The following CD82 variants were observed in gnomAD, a reference collection of about 807,000 sequenced individuals.
CD82 encodes the protein CD82 antigen.
A neutral mutation model predicts 37.4 loss-of-function variants in CD82; 36 were observed. The ratio of observed to expected loss-of-function variants is 0.96; its 90% CI spans 0.74 to 1.27. The LOEUF (loss-of-function observed/expected upper bound fraction) is 1.27, where lower values mean the gene tolerates loss of function less well. Among genes scored for constraint, CD82 ranks in the 50% most tolerant of loss-of-function variants. The probability of loss-of-function intolerance (pLI) is 0.00; values close to 1 mark genes in which losing one functional copy is unlikely to be tolerated. For missense variants in CD82, 340 were observed against 347.0 expected, an observed-to-expected ratio of 0.98 and a Z score of 0.16; for synonymous variants, 158 against 137.4, an observed-to-expected ratio of 1.15 and a Z score of -1.05.
chr11:44,620,322 C>T lies in CD82; in HGVS notation c.*1196C>T, dbSNP rs888094625. ...TGTGTGCACCATTCTGTAAAACACACTCAAGATTCTAAGACTATTAAAGAG... is the reference window on the plus strand; with the variant it reads ...TGTGTGCACCATTCTGTAAAACACATTCAAGATTCTAAGACTATTAAAGAG... On this transcript the variant is annotated 3_prime_UTR_variant, in exon 10 of 10. Transcript: ENST00000227155. The T allele has an allele frequency of 1.3e-5, 2 of 152,136 alleles. No individual in the cohort carries two copies. Among genetic ancestry groups the T allele is most frequent in the African/African-American group, 4.8e-5 (2 of 41,382 alleles). The allele number at this position is 152,136 out of a possible 1,614,324, so 9.4% of individuals were successfully genotyped here. A position where few individuals can be genotyped will look rare whatever the true frequency, so the allele number is the denominator to read the frequency against.
rs373812050 is a variant in CD82 at position 44,591,160 on chromosome 11, C to T, written c.-20-3483C>T. 5.2e-4 allele frequency among the ~76,000 whole-genome samples: 79 copies of T among 152,308 alleles called. 2 individuals are homozygous for T. In the Middle Eastern group the frequency reaches 0.01, roughly 20 times the overall value. On this transcript the variant is annotated intron_variant, in intron 2 of 9. Coordinates refer to ENST00000227155, the MANE Select transcript of CD82 (RefSeq NM_002231.4). The stretch of plus-strand genomic sequence containing the variant: ...TCTGGGTCTGTCCCACTTGACTGGG[C>T]TGCCTGGCTCTCATTTCAGCCTCTG...
At chr11:44,564,555 C>T (rs1260585409), upstream of CD82, 27 of 453,692 alleles carry the variant, frequency 6.0e-5, 1 homozygote, top group South Asian at 3.9e-4. Flanking sequence ...AGGGCTGGGA[C>T]GCAGGGTGGG....
chr11:44,608,502 G>A (rs1231855036), intron 6 of CD82, among the ~76,000 whole-genome samples: 2 of 152,196 alleles, frequency 1.3e-5, no homozygotes, highest in African/African-American at 4.8e-5. Context: ...ATGCAGAATG[G>A]TGTCCAAGGG....
intron 1 of CD82, among the ~76,000 whole-genome samples, chr11:44,577,129 G>C (rs1034467027): frequency 6.6e-6 from 1 of 152,112 alleles, no homozygotes; most frequent in African/African-American, 2.4e-5. Context: ...GGTAGTCCAG[G>C]CTGTCTCTGT....
At chr11:44,611,048 T>C (rs1853473514) in intron 6 of CD82, among the ~76,000 whole-genome samples, 1 of 152,188 alleles carries the variant, frequency 6.6e-6, no homozygotes, top group South Asian at 2.1e-4. Context: ...TTGGCCAGAC[T>C]GAACTCGAAC....
intron 3 of CD82, 77 bp downstream of exon 3, chr11:44,594,802 A>G (rs1470443788): frequency 1.2e-5 from 15 of 1,250,216 alleles, no homozygotes; most frequent in Non-Finnish European, 1.8e-5. Flanking sequence ...GAGCCTTTCC[A>G]GAGCCGACCG....
intron 2 of CD82, among the ~76,000 whole-genome samples, chr11:44,590,706 TA>T (rs1180912253): frequency 6.6e-6 from 1 of 151,628 alleles, no homozygotes; most frequent in East Asian, 2.0e-4. Context: ...GGCTGCAGTT[TA>T]CCAACCCTGG....
chr11:44,567,917 G>T (rs1397570824), intron 1 of CD82, among the ~76,000 whole-genome samples: 1 of 152,242 alleles, frequency 6.6e-6, no homozygotes, highest in Non-Finnish European at 1.5e-5. Context: ...CCTAGGCAGA[G>T]GCAGGGAGGT....
intron 2 of CD82, 84 bp downstream of exon 2, chr11:44,587,640 C>T (rs975711447): frequency 2.4e-5 from 11 of 452,582 alleles, no homozygotes; most frequent in Non-Finnish European, 4.0e-5. Flanking sequence ...CGAGCATGGC[C>T]CTCAGGTGTT....
intron 1 of CD82, among the ~76,000 whole-genome samples, chr11:44,577,436 G>T (rs377223852): frequency 1.3e-5 from 2 of 152,136 alleles, no homozygotes; most frequent in South Asian, 4.1e-4. Flanking sequence ...ACTCTCTCGG[G>T]TTCTGTGCAG....
At chr11:44,572,210 A>G (rs2076773547) in intron 1 of CD82, among the ~76,000 whole-genome samples, 1 of 152,216 alleles carries the variant, frequency 6.6e-6, no homozygotes, top group African/African-American at 2.4e-5. Flanking sequence ...CAGAGACTGA[A>G]TGGCAGAGCT....
intron 1 of CD82, among the ~76,000 whole-genome samples, chr11:44,570,293 T>C (rs944282098): frequency 6.6e-6 from 1 of 152,008 alleles, no homozygotes; most frequent in African/African-American, 2.4e-5. Flanking sequence ...TGGCTGCCTT[T>C]CCCAAGCCCC....
At chr11:44,612,522 C>G (rs1853497886) in intron 6 of CD82, among the ~76,000 whole-genome samples, 1 of 136,402 alleles carries the variant, frequency 7.3e-6, no homozygotes, top group Non-Finnish European at 1.5e-5. Flanking sequence ...AATTGCAGAA[C>G]TCTGTATAAG....
At chr11:44,616,804 C>A (rs755739977) in intron 7 of CD82, among the ~76,000 whole-genome samples, 6 of 152,180 alleles carry the variant, frequency 3.9e-5, no homozygotes, top group Non-Finnish European at 5.9e-5. Flanking sequence ...CCAGGTACAG[C>A]CGGAGTCAGG....
At chr11:44,568,782 C>G (rs1219174960) in intron 1 of CD82, among the ~76,000 whole-genome samples, 1 of 152,202 alleles carries the variant, frequency 6.6e-6, no homozygotes, top group Admixed American at 6.5e-5. Context: ...ACCGGCCATC[C>G]CCTTCCACCC....
chr11:44,574,378 A>G (rs920593769), intron 1 of CD82, among the ~76,000 whole-genome samples: 1 of 152,210 alleles, frequency 6.6e-6, no homozygotes, highest in Non-Finnish European at 1.5e-5. Flanking sequence ...AATAGGGGAT[A>G]GAATCTGAGC....
intron 6 of CD82, among the ~76,000 whole-genome samples, chr11:44,609,001 T>A (rs758862494): frequency 9.2e-5 from 14 of 152,250 alleles, no homozygotes; most frequent in Non-Finnish European, 1.9e-4. Flanking sequence ...ATTATTCACT[T>A]CATGAAGGCC....
In CD82 at chr11:44,618,731, C is replaced by T. The variant is rs772029006; in HGVS notation, c.726+8C>T. On this transcript the variant is annotated splice_region_variant and intron_variant, in intron 9 of 9. Transcript: ENST00000227155. ...GGTGTGGCCATCATCGAGGTCTGAG[C>T]CCCCTCCCCCATCCCTTCTCCATCC... 16 of 1,607,260 alleles carry T rather than the reference C, an allele frequency of 1.0e-5. No homozygotes were observed. The highest frequency in any genetic ancestry group is 1.3e-5 in the Non-Finnish European group (15 of 1,174,698).
At chr11:44,618,461 C>G in intron 8 of CD82, 96 bp downstream of exon 8, 3 of 1,180,346 alleles carry the variant, frequency 2.5e-6, no homozygotes, top group Non-Finnish European at 3.7e-6. Flanking sequence ...TTAGTTCCTT[C>G]CCTTAATTCA....
Sources: allele counts gnomAD v4.1 joint callset (sites outside exome capture counted in the v4.1 genomes callset), GRCh38; gene constraint gnomAD v4.1.1; transcripts MANE v1.5; gene names NCBI Gene and HGNC (gene_info 2026-07-23, HGNC 2026-07-21).